RASA3: variants seen among roughly 807,000 people sequenced by gnomAD.
RASA3 encodes the protein RAS p21 protein activator 3.
Under a neutral mutation model 110.0 loss-of-function variants are expected in RASA3, and 73 were observed. That is an observed-to-expected ratio of 0.66 (90% CI 0.55 to 0.81). The LOEUF (loss-of-function observed/expected upper bound fraction) is 0.81. RASA3 is among the 30% of genes least tolerant of loss of function. RASA3 has a pLI of 0.00. For missense variants in RASA3, 976 were observed against 1,113.2 expected, an observed-to-expected ratio of 0.88 and a Z score of 1.75; for synonymous variants, 500 against 451.4, an observed-to-expected ratio of 1.11 and a Z score of -1.37.
chr13:114,066,149 T>TTCCTCCACATGAGGCTCTC (rs2079445743), intron 2 of RASA3, among the ~76,000 whole-genome samples: 1 of 152,030 alleles, frequency 6.6e-6, no homozygotes, highest in African/African-American at 2.4e-5. Context: ...ATGAGGCTCT[T>TTCCTCCACATGAGGCTCTC]TCCTCTCTCC....
chr13:113,984,793 CCCAT>C (rs2053014775), intron 22 of RASA3, among the ~76,000 whole-genome samples: 1 of 26,518 alleles, frequency 3.8e-5, no homozygotes, highest in Non-Finnish European at 7.9e-5. Context: ...CACTGACCCA[CCCAT>C]CCATCCATCC....
chr13:113,996,807 C>T (rs2053267794), intron 20 of RASA3, 68 bp from the exon 21 acceptor site: 4 of 1,404,890 alleles, frequency 2.8e-6, no homozygotes, highest in Admixed American at 1.7e-5. Flanking sequence ...CAAGAGTCCA[C>T]CAGGCACCTG....
chr13:114,033,283 A>C (rs1594358536), intron 4 of RASA3, among the ~76,000 whole-genome samples: 2 of 53,824 alleles, frequency 3.7e-5, no homozygotes, highest in South Asian at 8.0e-4. Flanking sequence ...GCACCCCCAC[A>C]CTGACAACAC....
Position 114,119,662 on chromosome 13 carries a change from T to C in RASA3, c.55+12773A>G, listed in dbSNP as rs1333076433. On this transcript the variant is annotated intron_variant, in intron 1 of 23. Transcript: ENST00000334062. The stretch of plus-strand genomic sequence containing the variant: ...GCCAGGCGTCGATCAAGTCCCCCCC[T>C]TCTCTCCAGCCAGGCGTCGATCAGG... Among the ~76,000 whole-genome samples, 96 of 10,144 alleles carry C rather than the reference T, an allele frequency of 9.5e-3. 1 individual carries two copies. The highest frequency in any genetic ancestry group is 0.071 in the Middle Eastern group (1 of 14). The allele number at this position is 10,144 out of a possible 152,430, so 6.7% of individuals were successfully genotyped here. A position where few individuals can be genotyped will look rare whatever the true frequency, so the allele number is the denominator to read the frequency against.
Position 114,018,198 on chromosome 13 carries a change from C to G in RASA3, c.997G>C (p.Glu333Gln). Reference sequence around the variant, plus strand: ...AGCCGCACCAGCGGGACGGCCGCCTCCTGCTTCTCCCGGCAAACCTCGCCC... The same window carrying G: ...AGCCGCACCAGCGGGACGGCCGCCTGCTGCTTCTCCCGGCAAACCTCGCCC... Reference protein sequence around the residue: ...ILGEVCREKQEAAVPLVRLFL... With the variant: ...ILGEVCREKQQAAVPLVRLFL... The change falls in exon 11 of 24, where the codon GAG becomes CAG. Residue 333 changes from glutamate (E) to glutamine (Q), a missense_variant. Transcript: ENST00000334062. The G allele has an allele frequency of 6.4e-7, 1 of 1,553,094 alleles. No individual in the cohort carries two copies. Among genetic ancestry groups the G allele is most frequent in the Non-Finnish European group, 8.7e-7 (1 of 1,148,522 alleles).
At chr13:113,998,886 CGGGA>C in intron 20 of RASA3, among the ~76,000 whole-genome samples, 1 of 152,372 alleles carries the variant, frequency 6.6e-6, no homozygotes, top group South Asian at 2.1e-4. Context: ...GCCGGAAGAA[CGGGA>C]CTGGACAGCG....
intron 3 of RASA3, among the ~76,000 whole-genome samples, chr13:114,043,563 C>T (rs2078973901): frequency 6.6e-6 from 1 of 152,252 alleles, no homozygotes. Context: ...GTGACCTCAT[C>T]GGCTCAGCTC....
chr13:114,024,198 T>C (rs751753147), intron 8 of RASA3, 81 bp downstream of exon 8: 11 of 1,292,158 alleles, frequency 8.5e-6, no homozygotes, highest in Non-Finnish European at 1.2e-5. Context: ...TATGACCCTA[T>C]ATTTAGTAAC....
intron 1 of RASA3, among the ~76,000 whole-genome samples, chr13:114,101,563 T>C (rs1164012091): frequency 1.3e-5 from 2 of 152,246 alleles, no homozygotes; most frequent in Non-Finnish European, 2.9e-5. Context: ...CAGCCGGCAC[T>C]GCACGCCGGA....
intron 1 of RASA3, among the ~76,000 whole-genome samples, chr13:114,111,045 C>T (rs1450585638): frequency 3.5e-5 from 3 of 85,804 alleles, no homozygotes; most frequent in African/African-American, 1.3e-4. Context: ...GAGCTGCAGG[C>T]CGAGTTCTAA....
rs1469290521 is a variant in RASA3 at position 114,065,906 on chromosome 13, A to AC, written c.173+7813_173+7814insG. On this transcript the variant is annotated intron_variant, in intron 2 of 23. Transcript: ENST00000334062. This position sits in a 1 kb window ranked among gnomAD's most constrained non-coding sequence, Gnocchi z 4.1. ...AGCTGTGAGTCTTCAAACGGAACCC[A>AC]AAGACTCAGTGAGGAAAGCAGGCGG... Among the ~76,000 whole-genome samples the AC allele has an allele frequency of 6.6e-6, 1 of 152,216 alleles. No individual in the cohort carries two copies. The highest frequency in any genetic ancestry group is 2.4e-5 in the African/African-American group (1 of 41,456).
rs2079425954 is a variant in RASA3 at position 114,065,230 on chromosome 13, A to G, written c.173+8490T>C. On this transcript the variant is annotated intron_variant, in intron 2 of 23. Transcript: ENST00000334062. This position sits in a 1 kb window ranked among gnomAD's most constrained non-coding sequence, Gnocchi z 4.1. ...CTGAGTCACTTCCCAGCATCTGCGC[A>G]AGGCTGGCGCTGCCCCATCCCGCCT... Among the ~76,000 whole-genome samples the G allele has an allele frequency of 1.3e-5, 2 of 152,338 alleles. No homozygotes were observed. The highest frequency in any genetic ancestry group is 3.9e-4 in the East Asian group (2 of 5,180).
chr13:114,010,795 G>C (rs1421224799), intron 16 of RASA3, among the ~76,000 whole-genome samples: 5 of 149,468 alleles, frequency 3.3e-5, no homozygotes, highest in African/African-American at 1.0e-4. Flanking sequence ...GGGGAGGAGG[G>C]GGCCGCGAGG....
At chr13:114,017,525 C>T (rs981758715) in intron 11 of RASA3, among the ~76,000 whole-genome samples, 174 bp from the exon 12 acceptor site, 7 of 152,240 alleles carry the variant, frequency 4.6e-5, no homozygotes, top group African/African-American at 1.7e-4. Flanking sequence ...GAGGCCCTGG[C>T]CATGGAACCG....
intron 14 of RASA3, among the ~76,000 whole-genome samples, chr13:114,013,938 GTCTCTATC>G (rs1566479316): frequency 1.1e-4 from 5 of 47,088 alleles, no homozygotes; most frequent in African/African-American, 3.0e-4. Flanking sequence ...CTCTCTCCCT[GTCTCTATC>G]TCTCTGTCTC....
chr13:114,090,614 C>T (rs948940412), intron 1 of RASA3, among the ~76,000 whole-genome samples: 83 of 152,326 alleles, frequency 5.4e-4, no homozygotes, highest in African/African-American at 1.9e-3. Flanking sequence ...ATTGCCCACA[C>T]TGGAGCATGG....
chr13:114,067,830 G>A (rs994740054), intron 2 of RASA3, among the ~76,000 whole-genome samples: 3 of 152,154 alleles, frequency 2.0e-5, no homozygotes, highest in Non-Finnish European at 2.9e-5. Flanking sequence ...GGAAGACCCA[G>A]CTCTCCTCGC....
At chr13:114,052,751 G>A (rs1044983400) in intron 2 of RASA3, among the ~76,000 whole-genome samples, 14 of 138,302 alleles carry the variant, frequency 1.0e-4, no homozygotes, top group East Asian at 2.3e-4. Context: ...TGCTGACTGT[G>A]CTTAGAGTCC....
At chr13:114,073,687 A>T in intron 2 of RASA3, 33 bp downstream of exon 2, 1 of 1,531,434 alleles carries the variant, frequency 6.5e-7, no homozygotes, top group Non-Finnish European at 9.1e-7. Context: ...AAGAAAACAC[A>T]TCAGTGCCAA....
Sources: gnomAD v4.1 joint callset for allele counts (sites outside exome capture counted in the v4.1 genomes callset) on GRCh38, gnomAD v4.1.1 for gene constraint, Gnocchi (gnomAD v3.1) non-coding constraint, MANE v1.5 for transcripts, NCBI Gene and HGNC (gene_info 2026-07-23, HGNC 2026-07-21) for gene names.